The following FHDC1 variants were observed in gnomAD, a reference collection of about 807,000 sequenced individuals.
FHDC1 encodes FH2 domain containing 1, also known as FH2 domain-containing protein 1.
In FHDC1, 25 loss-of-function variants were observed where a neutral mutation model predicts 52.6. The observed-to-expected ratio is 0.48, with a 90% CI of 0.35 to 0.66. The LOEUF is 0.66. Among genes scored for constraint, FHDC1 ranks in the 30% least tolerant of loss-of-function variants. The pLI, the probability that FHDC1 is intolerant of heterozygous loss-of-function variation, is 0.01. For synonymous variants in FHDC1, 616 were observed against 581.5 expected (o/e 1.06, Z -0.85); for missense variants, 1,459 against 1,452.8 (o/e 1.00, Z -0.07).
chr4:152,947,494 C>G (rs952378720), intron 2 of FHDC1, among the ~76,000 whole-genome samples: 1 of 152,132 alleles, frequency 6.6e-6, no homozygotes, highest in African/African-American at 2.4e-5. Context: ...TTCCTCAGGC[C>G]CCCTGGGAGC....
In FHDC1 at chr4:152,979,624, A is replaced by G. The variant is rs1241437208; in HGVS notation, c.*2901A>G. 4 of 152,234 alleles carry G rather than the reference A, an allele frequency of 2.6e-5. No homozygotes were observed. In the East Asian group the frequency reaches 7.7e-4, roughly 29 times the overall value. The allele number at this position is 152,234 out of a possible 1,614,324, so 9.4% of individuals were successfully genotyped here. ...TGAATGTATTTAATGGTCCATTTAT[A>G]TGTTCTTTTATGTAACATGTAGTTT... On this transcript the variant is annotated 3_prime_UTR_variant, in exon 12 of 12. Coordinates refer to ENST00000511601, the MANE Select transcript of FHDC1 (RefSeq NM_001371116.1).
At chr4:152,930,995 A>ACT in the FHDC1 span, among the ~76,000 whole-genome samples, 28 of 139,594 alleles carry the variant, frequency 2.0e-4, no homozygotes, top group Admixed American at 4.1e-4. Context: ...ACACACACAC[A>ACT]CACTCTCTCT....
At chr4:152,972,178 C>G (rs1165565312) in intron 10 of FHDC1, among the ~76,000 whole-genome samples, 199 bp from the exon 11 acceptor site, 1 of 152,122 alleles carries the variant, frequency 6.6e-6, no homozygotes, top group African/African-American at 2.4e-5. Context: ...GGGACTTCAC[C>G]TTGCTTTCCC....
At chr4:152,964,585 G>A (rs1010692283) in intron 8 of FHDC1, among the ~76,000 whole-genome samples, 1 of 152,196 alleles carries the variant, frequency 6.6e-6, no homozygotes, top group Non-Finnish European at 1.5e-5. Flanking sequence ...TTAAAGGCAT[G>A]CTCACAGGTA....
Position 152,975,801 on chromosome 4 carries a change from CTG to C in FHDC1, c.2513_2514del (p.Val838GlyfsTer2). On this transcript the variant is annotated frameshift_variant, in exon 12 of 12. Coordinates refer to ENST00000511601, the MANE Select transcript of FHDC1 (RefSeq NM_001371116.1). LOFTEE classifies it low-confidence loss of function (END_TRUNC). ...CCTGGGGAGGCTCCTGCCCCCGTCT[CTG>C]TGGATAGTGAGCCCAGCTGCAAGGG... is the stretch of plus-strand genomic sequence containing the variant. 6.5e-7 allele frequency: 1 copy of C among 1,531,262 alleles called. No individual in the cohort carries two copies. Among genetic ancestry groups the C allele is most frequent in the Non-Finnish European group, 8.8e-7 (1 of 1,140,432 alleles). The allele number at this position is 1,531,262 out of a possible 1,614,324, so 94.9% of individuals were successfully genotyped here.
intron 9 of FHDC1, among the ~76,000 whole-genome samples, chr4:152,966,814 C>G (rs1740471131): frequency 6.6e-6 from 1 of 152,132 alleles, no homozygotes; most frequent in Admixed American, 6.5e-5. Context: ...TGCAATCAAT[C>G]CAACTGTTAA....
chr4:152,940,545 G>A (rs895153446), intron 1 of FHDC1, among the ~76,000 whole-genome samples: 16 of 152,190 alleles, frequency 1.1e-4, no homozygotes, highest in Admixed American at 3.3e-4. Context: ...TAACCTTGGA[G>A]TATATAGTCT....
upstream of FHDC1, among the ~76,000 whole-genome samples, chr4:152,936,103 A>C (rs886732702): frequency 5.9e-5 from 9 of 151,380 alleles, no homozygotes; most frequent in Non-Finnish European, 1.3e-4. Flanking sequence ...GTGTGCCCCG[A>C]GGCGTCTCCC....
Position 152,974,738 on chromosome 4 carries a change from A to G in FHDC1, c.1447A>G (p.Lys483Glu). 1 of 1,521,008 alleles carries G rather than the reference A, an allele frequency of 6.6e-7. No individual in the cohort carries two copies. The highest frequency in any genetic ancestry group is 8.8e-7 in the Non-Finnish European group (1 of 1,133,940). 94.2% of individuals were successfully genotyped at this position (1,521,008 alleles called of 1,614,324 possible). The change falls in exon 12 of 12, where the codon AAG becomes GAG. Residue 483 changes from lysine to glutamate, a missense_variant. By Grantham distance (56) the Lys-to-Glu change is moderately conservative. Coordinates refer to ENST00000511601, the MANE Select transcript of FHDC1 (RefSeq NM_001371116.1). ...QLQRLKEQEQ[K>E]QRSWATGELG... The stretch of plus-strand genomic sequence containing the variant: ...GCAGAGGCTGAAGGAGCAGGAGCAG[A>G]AGCAGCGCTCCTGGGCAACTGGGGA...
the FHDC1 span, chr4:152,911,381 A>G: frequency 6.6e-6 from 1 of 152,490 alleles, no homozygotes; most frequent in Non-Finnish European, 1.5e-5. Context: ...TGGGTAATGA[A>G]GAGGTAATTT....
At position 152,975,200 on chromosome 4, in the gene FHDC1, G is replaced by T. The variant is rs1168748918; in HGVS notation, c.1909G>T (p.Ala637Ser). 2 of 1,613,272 alleles carry T rather than the reference G, an allele frequency of 1.2e-6. No individual in the cohort carries two copies. The highest frequency in any genetic ancestry group is 1.7e-6 in the Non-Finnish European group (2 of 1,180,024). ...PENHASAFPRARRQGVSVLRK... is the reference protein window; with the variant it reads ...PENHASAFPRSRRQGVSVLRK... Reference sequence around the variant, plus strand: ...GAACCATGCCTCTGCCTTCCCCAGAGCTCGGCGCCAGGGCGTCAGTGTCCT... The same window carrying T: ...GAACCATGCCTCTGCCTTCCCCAGATCTCGGCGCCAGGGCGTCAGTGTCCT... Residue 637 changes from alanine (A) to serine (S), a missense_variant, in exon 12 of 12, where the codon GCT becomes TCT. Around this residue, in one of 3 missense-constraint regions of FHDC1, gnomAD observed 939 missense variants for 854.5 expected, o/e 1.10. Coordinates refer to ENST00000511601, the MANE Select transcript of FHDC1 (RefSeq NM_001371116.1).
chr4:152,926,102 G>T, the FHDC1 span, among the ~76,000 whole-genome samples: 1 of 151,504 alleles, frequency 6.6e-6, no homozygotes, highest in Non-Finnish European at 1.5e-5. Flanking sequence ...ACTATTTTAG[G>T]TTCCTCATGC....
intron 1 of FHDC1, among the ~76,000 whole-genome samples, chr4:152,937,254 G>A (rs1464370779): frequency 6.6e-6 from 1 of 152,196 alleles, no homozygotes; most frequent in East Asian, 1.9e-4. Context: ...GTGGGAAGAT[G>A]TCGCGGCGGA....
rs1306281545 is a variant in FHDC1, at chr4:152,976,052, G to A, written c.2761G>A (p.Glu921Lys). 1 of 1,591,862 alleles carries A rather than the reference G, an allele frequency of 6.3e-7. No homozygotes were observed. The highest frequency in any genetic ancestry group is 1.8e-5 in the Admixed American group (1 of 56,148). The change falls in exon 12 of 12, where the codon GAG becomes AAG. Residue 921 changes from glutamate (E) to lysine (K), a missense_variant. By Grantham distance (56) the Glu-to-Lys change is moderately conservative (BLOSUM62 1). Transcript: ENST00000511601. ...CAGAGGCGCCGGCTGGAGGCGACCA[G>A]AGCTGTCATCCCGGGGGCCCTCCCA... ...SSRGAGWRRP[E>K]LSSRGPSQNP... is the part of the protein sequence containing the mutation.
chr4:152,937,789 C>G (rs1232378144), intron 1 of FHDC1, among the ~76,000 whole-genome samples: 1 of 152,126 alleles, frequency 6.6e-6, no homozygotes, highest in Non-Finnish European at 1.5e-5. Context: ...CTCCGCGCGG[C>G]CCGTGGGCCG....
intron 2 of FHDC1, among the ~76,000 whole-genome samples, chr4:152,950,367 G>A (rs1457636046): frequency 6.6e-6 from 1 of 152,316 alleles, no homozygotes; most frequent in South Asian, 2.1e-4. Context: ...TCAGACACCA[G>A]GCAAATCTGA....
At chr4:152,943,642 A>G (rs1739644419) in intron 2 of FHDC1, 87 bp downstream of exon 2, 1 of 1,435,852 alleles carries the variant, frequency 7.0e-7, no homozygotes, top group Non-Finnish European at 9.4e-7. Context: ...TAATTGCTAG[A>G]CACCCCTAAG....
chr4:152,914,895 T>C, the FHDC1 span, among the ~76,000 whole-genome samples: 1 of 152,258 alleles, frequency 6.6e-6, no homozygotes, highest in African/African-American at 2.4e-5. Context: ...TAAAAACTTT[T>C]TTTTTTTTCA....
chr4:152,918,595 A>C, the FHDC1 span: 1 of 152,248 alleles, frequency 6.6e-6, no homozygotes, highest in Non-Finnish European at 1.5e-5. Context: ...TCTTTGCCTG[A>C]TCACTTTATC....
Sources: gnomAD v4.1 joint callset for allele counts (sites outside exome capture counted in the v4.1 genomes callset) on GRCh38, gnomAD v4.1.1 for gene constraint, gnomAD v4.1.1 regional missense constraint, MANE v1.5 for transcripts, NCBI Gene and HGNC (gene_info 2026-07-23, HGNC 2026-07-21) for gene names.